Variants in SLC35F5 observed in about 807,000 individuals in gnomAD.
The protein encoded by SLC35F5 is HCV NS5A-transactivated protein 3.
In SLC35F5, 54 loss-of-function variants were observed where a neutral mutation model predicts 68.6. The observed-to-expected ratio is 0.79, with a 90% CI of 0.63 to 0.99. SLC35F5 has a LOEUF of 0.99. Ranked by LOEUF, SLC35F5 falls within the 50% of genes least tolerant of loss-of-function variation. The pLI is 0.00. For missense variants in SLC35F5, 567 were observed against 626.9 expected, an observed-to-expected ratio of 0.90 and a Z score of 1.02; for synonymous variants, 211 against 205.2, an observed-to-expected ratio of 1.03 and a Z score of -0.24.
intron 9 of SLC35F5, 138 bp from the exon 10 acceptor site, chr2:113,731,786 T>C (rs1476380947): frequency 3.2e-6 from 2 of 628,486 alleles, no homozygotes; most frequent in East Asian, 2.7e-5. Flanking sequence ...ATTTCAATAA[T>C]AACATCTAAC....
intron 7 of SLC35F5, among the ~76,000 whole-genome samples, chr2:113,739,553 T>C (rs1688213376): frequency 6.6e-6 from 1 of 152,228 alleles, no homozygotes; most frequent in Admixed American, 6.5e-5. Context: ...TTGGGATTTG[T>C]AGTATGATAA....
At position 113,735,843 on chromosome 2, in the gene SLC35F5, A is replaced by G. The variant is rs1429756364; in HGVS notation, c.766T>C (p.Leu256=). 6 of 1,609,924 alleles carry G rather than the reference A, an allele frequency of 3.7e-6. No homozygotes were observed. Among genetic ancestry groups the G allele is most frequent in the East Asian group, 2.2e-5 (1 of 44,720 alleles). The change falls in exon 8 of 16, where the codon TTG becomes CTG. Residue 256 remains leucine (L), a synonymous_variant. Coordinates refer to ENST00000245680, the MANE Select transcript of SLC35F5 (RefSeq NM_025181.5). The part of the protein sequence containing the change: ...FFCFVWFLAN[L]SYQEALSDTQ... ...TCTGAAAGTGCTTCTTGATATGACAAATTTGCCAAAAACCACTAAAGAAAA... is the reference window on the plus strand; with the variant it reads ...TCTGAAAGTGCTTCTTGATATGACAGATTTGCCAAAAACCACTAAAGAAAA...
chr2:113,708,573 G>A lies in SLC35F5; in HGVS notation c.*6645C>T, dbSNP rs989427325. ...TACAAAAAATTAGCTGGGCGTGGTG[G>A]TGCATGTCTGTAATCCCAGCTATTC... On this transcript the variant is annotated 3_prime_UTR_variant, in exon 16 of 16. Coordinates refer to ENST00000245680, the MANE Select transcript of SLC35F5 (RefSeq NM_025181.5). Among the ~76,000 whole-genome samples, 1 of 152,112 alleles carries A rather than the reference G, an allele frequency of 6.6e-6. No homozygotes were observed. The highest frequency in any genetic ancestry group is 1.9e-4 in the East Asian group (1 of 5,194).
chr2:113,751,809 TC>T (rs992141216), intron 3 of SLC35F5, among the ~76,000 whole-genome samples: 13 of 100,902 alleles, frequency 1.3e-4, no homozygotes, highest in African/African-American at 4.3e-4. Context: ...TGAGACTCTG[TC>T]CCCAAAAAAG....
chr2:113,722,977 C>T, intron 13 of SLC35F5, 127 bp downstream of exon 13: 3 of 543,208 alleles, frequency 5.5e-6, no homozygotes, highest in African/African-American at 2.0e-5. Context: ...AGTAAAGCAC[C>T]TTGGGAGAGA....
intron 4 of SLC35F5, 88 bp downstream of exon 4, chr2:113,750,337 C>T (rs765648734): frequency 2.8e-5 from 35 of 1,238,476 alleles, no homozygotes; most frequent in East Asian, 1.1e-4. Flanking sequence ...AAAATATGAC[C>T]GTCCTTAAAG....
At chr2:113,750,332 A>T (rs1574270273) in intron 4 of SLC35F5, 93 bp downstream of exon 4, 1 of 1,230,564 alleles carries the variant, frequency 8.1e-7, no homozygotes, top group East Asian at 2.6e-5. Context: ...AACTTAAAAT[A>T]TGACCGTCCT....
chr2:113,716,007 C>G (rs1687164856), intron 15 of SLC35F5, among the ~76,000 whole-genome samples: 1 of 152,174 alleles, frequency 6.6e-6, no homozygotes, highest in South Asian at 2.1e-4. Flanking sequence ...GTCTCAAACT[C>G]CTGAGCTCAA....
At chr2:113,729,760 G>A (rs946547123) in intron 10 of SLC35F5, among the ~76,000 whole-genome samples, 1 of 151,472 alleles carries the variant, frequency 6.6e-6, no homozygotes, top group South Asian at 2.1e-4. Context: ...TCAATGATTC[G>A]ACCAAAACCT....
In SLC35F5 at chr2:113,713,292, A is replaced by G. The variant is rs1687057423; in HGVS notation, c.*1926T>C. ...TGGCTGAAGATCTATCCAGCCTGTT[A>G]ACTACGGCTTAGTACTTCCAGAATC... On this transcript the variant is annotated 3_prime_UTR_variant, in exon 16 of 16. Coordinates refer to ENST00000245680, the MANE Select transcript of SLC35F5 (RefSeq NM_025181.5). 1.3e-5 allele frequency: 2 copies of G among 152,248 alleles called. No individual in the cohort carries two copies. Among genetic ancestry groups the G allele is most frequent in the African/African-American group, 4.8e-5 (2 of 41,464 alleles). 9.4% of individuals were successfully genotyped at this position (152,248 alleles called of 1,614,324 possible).
chr2:113,711,170 T>G lies in SLC35F5; in HGVS notation c.*4048A>C, dbSNP rs1686970019. On this transcript the variant is annotated 3_prime_UTR_variant, in exon 16 of 16. Coordinates refer to ENST00000245680, the MANE Select transcript of SLC35F5 (RefSeq NM_025181.5). Reference sequence around the variant, plus strand: ...CTAGCTCAAAAATAAAAATCATGTTTGTGTCACCCCAGATTCAAAATGCTG... The same window carrying G: ...CTAGCTCAAAAATAAAAATCATGTTGGTGTCACCCCAGATTCAAAATGCTG... Among the ~76,000 whole-genome samples, 1 of 152,196 alleles carries G rather than the reference T, an allele frequency of 6.6e-6. No homozygotes were observed. The highest frequency in any genetic ancestry group is 1.5e-5 in the Non-Finnish European group (1 of 68,028).
At chr2:113,722,526 G>A (rs1401048901) in intron 13 of SLC35F5, among the ~76,000 whole-genome samples, 2 of 152,138 alleles carry the variant, frequency 1.3e-5, no homozygotes. Context: ...TGTTCTTCCT[G>A]CTTCACCCAA....
In SLC35F5 at chr2:113,718,152, T is replaced by C. The variant is rs575779918; in HGVS notation, c.1497-302A>G. Among the ~76,000 whole-genome samples the C allele has an allele frequency of 3.9e-5, 6 of 152,300 alleles. No homozygotes were observed. The East Asian group carries it at 9.6e-4, about 24-fold the overall frequency. On this transcript the variant is annotated intron_variant, in intron 14 of 15. Coordinates refer to ENST00000245680, the MANE Select transcript of SLC35F5 (RefSeq NM_025181.5). Reference sequence around the variant, plus strand: ...AGGCTAAAGTGTAGTGGTGCTATTATAGTTCACTGCAGCTTTGAATTCCTG... The same window carrying C: ...AGGCTAAAGTGTAGTGGTGCTATTACAGTTCACTGCAGCTTTGAATTCCTG...
chr2:113,728,308 TA>T (rs869226200), intron 11 of SLC35F5, among the ~76,000 whole-genome samples: 1 of 152,024 alleles, frequency 6.6e-6, no homozygotes, highest in Non-Finnish European at 1.5e-5. Context: ...AGTCTTTTTT[TA>T]AAAAAAATTA....
At position 113,755,246 on chromosome 2, in the gene SLC35F5, A is replaced by G; in HGVS notation, c.192T>C (p.Thr64=). 8.7e-6 allele frequency: 14 copies of G among 1,614,182 alleles called. No individual in the cohort carries two copies. The highest frequency in any genetic ancestry group is 1.2e-5 in the Non-Finnish European group (14 of 1,180,042). Residue 64 remains threonine (T), a synonymous_variant, in exon 3 of 16, where the codon ACT becomes ACC. Coordinates refer to ENST00000245680, the MANE Select transcript of SLC35F5 (RefSeq NM_025181.5). ...NRMNSQNSGF[T]QRRRMALGIV... The stretch of plus-strand genomic sequence containing the variant: ...TCCCAAGAGCCATTCGCCTGCGCTG[A>G]GTGAAACCACTGTTCTGGGAATTCA...
chr2:113,755,062 C>T, intron 3 of SLC35F5, 103 bp downstream of exon 3: 3 of 1,205,430 alleles, frequency 2.5e-6, no homozygotes, highest in South Asian at 1.6e-5. Context: ...ATTTAAGATA[C>T]TGCTTTTAGA....
At chr2:113,735,543 T>C (rs1425369862) in intron 8 of SLC35F5, among the ~76,000 whole-genome samples, 2 of 152,124 alleles carry the variant, frequency 1.3e-5, no homozygotes, top group Non-Finnish European at 2.9e-5. Context: ...ACAGTAAAAA[T>C]ACAGTATTAT....
chr2:113,750,242 A>T (rs1457993181), intron 4 of SLC35F5, among the ~76,000 whole-genome samples, 183 bp downstream of exon 4: 2 of 152,218 alleles, frequency 1.3e-5, no homozygotes, highest in African/African-American at 4.8e-5. Flanking sequence ...CTATTCTGAT[A>T]CTACTTAATT....
At chr2:113,730,715 T>C (rs115394481) in intron 10 of SLC35F5, among the ~76,000 whole-genome samples, 1,788 of 152,344 alleles carry the variant, frequency 0.012, 43 homozygotes, top group African/African-American at 0.04. Context: ...ATAACAGGCA[T>C]GAGTCACCAT....
Sources: allele counts gnomAD v4.1 joint callset (sites outside exome capture counted in the v4.1 genomes callset), GRCh38; gene constraint gnomAD v4.1.1; transcripts MANE v1.5; gene names NCBI Gene and HGNC (gene_info 2026-07-23, HGNC 2026-07-21).